CSMD1: variants seen among roughly 807,000 people sequenced by gnomAD.
The protein encoded by CSMD1 is CUB and sushi domain-containing protein 1.
In CSMD1, 213 loss-of-function variants were observed where a neutral mutation model predicts 417.5. The ratio of observed to expected loss-of-function variants is 0.51; its 90% CI spans 0.46 to 0.57. CSMD1 has a LOEUF of 0.57. CSMD1 is among the 20% of genes least tolerant of loss of function. The probability of loss-of-function intolerance (pLI) is 0.00; values close to 1 mark genes in which losing one functional copy is unlikely to be tolerated. For missense variants in CSMD1, 6,923 were observed against 4,529.7 expected (o/e 1.53, Z -15.17); for synonymous variants, 2,862 against 1,736.8 (o/e 1.65, Z -16.11).
chr8:3,995,478 G>T (rs1343992400), intron 5 of CSMD1, among the ~76,000 whole-genome samples: 2 of 152,174 alleles, frequency 1.3e-5, no homozygotes, highest in African/African-American at 4.8e-5. Context: ...CTGTAGTCCT[G>T]AAACAGAGAA....
At chr8:3,714,744 A>G (rs1431960121) in intron 6 of CSMD1, among the ~76,000 whole-genome samples, 1 of 151,894 alleles carries the variant, frequency 6.6e-6, no homozygotes, top group Non-Finnish European at 1.5e-5. Context: ...AGTTTCTCAA[A>G]AAAACAACAA....
intron 3 of CSMD1, among the ~76,000 whole-genome samples, chr8:4,414,333 A>G (rs112487592): frequency 6.6e-6 from 1 of 152,200 alleles, no homozygotes; most frequent in South Asian, 2.1e-4. Context: ...AACCCGAAGA[A>G]AAGGTCTCTC....
At chr8:4,554,699 T>A (rs1798013583) in intron 2 of CSMD1, among the ~76,000 whole-genome samples, 1 of 152,212 alleles carries the variant, frequency 6.6e-6, no homozygotes. Flanking sequence ...CATAAATACC[T>A]AAAAATTAGG....
rs1281117106 is a variant in CSMD1 at position 3,409,663 on chromosome 8, C to G, written c.1562-58G>C. 3 of 1,364,636 alleles carry G rather than the reference C, an allele frequency of 2.2e-6. No homozygotes were observed. In the African/African-American group the frequency reaches 4.3e-5, roughly 20 times the overall value. 84.5% of individuals were successfully genotyped at this position (1,364,636 alleles called of 1,614,324 possible). ...AAACACACACAAGGAATATTTTTAT[C>G]TCTACAACTTAGAAAGTAAATACGT... On this transcript the variant is annotated intron_variant, in intron 12 of 69. Coordinates refer to ENST00000635120, the MANE Select transcript of CSMD1 (RefSeq NM_033225.6).
chr8:4,438,961 G>A (rs1290231316), intron 2 of CSMD1, among the ~76,000 whole-genome samples: 1 of 152,152 alleles, frequency 6.6e-6, no homozygotes, highest in Non-Finnish European at 1.5e-5. Flanking sequence ...TTAATGTGAA[G>A]TCATGAGCGC....
intron 3 of CSMD1, among the ~76,000 whole-genome samples, chr8:4,167,997 C>G (rs996788911): frequency 6.6e-6 from 1 of 151,880 alleles, no homozygotes; most frequent in Non-Finnish European, 1.5e-5. Flanking sequence ...GGCGTGGTGG[C>G]AGACTCCTGT....
chr8:3,778,961 G>C (rs1015524732), intron 5 of CSMD1, among the ~76,000 whole-genome samples: 10 of 152,146 alleles, frequency 6.6e-5, no homozygotes, highest in African/African-American at 2.2e-4. Context: ...ATCAGCCTTG[G>C]CTTGTGTTCT....
intron 6 of CSMD1, among the ~76,000 whole-genome samples, chr8:3,733,523 C>T (rs1045527187): frequency 6.6e-6 from 1 of 151,984 alleles, no homozygotes; most frequent in African/African-American, 2.4e-5. Context: ...AAATATTCAA[C>T]GAAAAATTTC....
chr8:3,470,291 T>G (rs1055893918), intron 11 of CSMD1, among the ~76,000 whole-genome samples: 3 of 152,366 alleles, frequency 2.0e-5, no homozygotes, highest in African/African-American at 4.8e-5. Flanking sequence ...AATTTCTACA[T>G]AGAATTTATA....
chr8:3,870,974 TAA>T (rs1477339991), intron 5 of CSMD1, among the ~76,000 whole-genome samples: 4 of 150,818 alleles, frequency 2.7e-5, no homozygotes, highest in African/African-American at 7.3e-5. Context: ...TTCTTAAATA[TAA>T]GTTAATTTTT....
At chr8:3,526,738 T>A (rs1339958828) in intron 10 of CSMD1, among the ~76,000 whole-genome samples, 1 of 152,208 alleles carries the variant, frequency 6.6e-6, no homozygotes, top group African/African-American at 2.4e-5. Context: ...TTCAATAAGT[T>A]ACTTACCCTC....
chr8:3,781,909 G>A (rs572628032), intron 5 of CSMD1, among the ~76,000 whole-genome samples: 2 of 151,852 alleles, frequency 1.3e-5, no homozygotes, highest in Non-Finnish European at 2.9e-5. Context: ...AATTTTGGTA[G>A]ACCCATTTAA....
At chr8:3,986,726 T>C (rs2554517) in intron 5 of CSMD1, among the ~76,000 whole-genome samples, 115,745 of 151,978 alleles carry the variant, frequency 0.76, 44,190 homozygotes, top group African/African-American at 0.8. Context: ...GTTTCAGTTT[T>C]GCTCAAAGGC....
At chr8:4,050,415 A>G (rs1798364872) in intron 3 of CSMD1, among the ~76,000 whole-genome samples, 1 of 152,050 alleles carries the variant, frequency 6.6e-6, no homozygotes. Context: ...ATTTTATTTA[A>G]TTTTTGTTTT....
At chr8:4,455,374 T>G (rs753424714) in intron 2 of CSMD1, among the ~76,000 whole-genome samples, 1 of 152,096 alleles carries the variant, frequency 6.6e-6, no homozygotes, top group Non-Finnish European at 1.5e-5. Context: ...GGAAAACTGG[T>G]CATCAACTCA....
chr8:4,639,212 G>A (rs554027519), intron 1 of CSMD1, among the ~76,000 whole-genome samples: 5 of 149,858 alleles, frequency 3.3e-5, no homozygotes, highest in African/African-American at 9.8e-5. Flanking sequence ...CCACATACAA[G>A]CTCTCCGTGC....
chr8:4,410,950 C>G (rs1796619127), intron 3 of CSMD1, among the ~76,000 whole-genome samples: 1 of 152,126 alleles, frequency 6.6e-6, no homozygotes, highest in African/African-American at 2.4e-5. Flanking sequence ...TCTAGTGGGA[C>G]TAGGTTAGTT....
intron 1 of CSMD1, among the ~76,000 whole-genome samples, chr8:4,801,683 C>G (rs1398440346): frequency 6.6e-6 from 1 of 151,988 alleles, no homozygotes; most frequent in Admixed American, 6.6e-5. Flanking sequence ...TAATGGAGCC[C>G]TGTCCTTCTA....
At chr8:4,448,196 T>G (rs912624724) in intron 2 of CSMD1, among the ~76,000 whole-genome samples, 9 of 152,160 alleles carry the variant, frequency 5.9e-5, no homozygotes, top group Non-Finnish European at 7.3e-5. Context: ...TTTTTAAAAG[T>G]TTTTTAACAC....
Sources: allele counts gnomAD v4.1 joint callset (sites outside exome capture counted in the v4.1 genomes callset), GRCh38; gene constraint gnomAD v4.1.1; transcripts MANE v1.5; gene names NCBI Gene and HGNC (gene_info 2026-07-23, HGNC 2026-07-21).